The following APLP2 variants were observed in gnomAD, a reference collection of about 807,000 sequenced individuals.
The protein encoded by APLP2 is CDEI box-binding protein.
In APLP2, 53 loss-of-function variants were observed where a neutral mutation model predicts 89.9. That is an observed-to-expected ratio of 0.59 (90% CI 0.47 to 0.74). The LOEUF is 0.74. Among genes scored for constraint, APLP2 ranks in the 30% least tolerant of loss-of-function variants. The pLI is 0.00. For missense variants in APLP2, 973 were observed against 975.9 expected (o/e 1.00, Z 0.04); for synonymous variants, 372 against 348.6 (o/e 1.07, Z -0.75).
In APLP2 at chr11:130,109,309, G is replaced by T. The variant is rs148917064; in HGVS notation, c.106-120G>T. 3.2e-3 allele frequency: 2,759 copies of T among 861,374 alleles called. 5 individuals are homozygous for T. Among genetic ancestry groups the T allele is most frequent in the Non-Finnish European group, 4.3e-3 (2,491 of 585,466 alleles). 53.4% of individuals were successfully genotyped at this position (861,374 alleles called of 1,614,324 possible). ...CCTGGGAAAAGGATTTGTTTGTGAAGATACAAATAGTAAATAATTAAGGTT... is the reference window on the plus strand; with the variant it reads ...CCTGGGAAAAGGATTTGTTTGTGAATATACAAATAGTAAATAATTAAGGTT... On this transcript the variant is annotated intron_variant, in intron 1 of 16. Coordinates refer to ENST00000338167, the MANE Select transcript of APLP2 (RefSeq NM_001142276.2).
intron 6 of APLP2, 70 bp downstream of exon 6, chr11:130,122,583 C>T (rs1949948960): frequency 6.3e-7 from 1 of 1,593,522 alleles, no homozygotes; most frequent in African/African-American, 1.3e-5. Flanking sequence ...TGCATTGCGT[C>T]TGTCACAGGT....
At chr11:130,082,290 T>C (rs528317900) in intron 1 of APLP2, among the ~76,000 whole-genome samples, 1 of 152,230 alleles carries the variant, frequency 6.6e-6, no homozygotes, top group African/African-American at 2.4e-5. Flanking sequence ...TTCAAGCGAT[T>C]CTCCTGCCTC....
chr11:130,101,465 C>G (rs916918517), intron 1 of APLP2: 2 of 147,230 alleles, frequency 1.4e-5, no homozygotes, highest in Non-Finnish European at 2.9e-5. Context: ...AGATTATAGG[C>G]GTGAGCCATC....
At chr11:130,071,130 A>G (rs891922831) in intron 1 of APLP2, among the ~76,000 whole-genome samples, 4 of 152,210 alleles carry the variant, frequency 2.6e-5, no homozygotes, top group Non-Finnish European at 4.4e-5. Context: ...AAAAATTACA[A>G]CTGGTTTCTG....
chr11:130,097,187 A>ATAT (rs1263547111), intron 1 of APLP2, among the ~76,000 whole-genome samples: 1 of 152,212 alleles, frequency 6.6e-6, no homozygotes, highest in Non-Finnish European at 1.5e-5. Context: ...TAGAAGTTAA[A>ATAT]TTGATTTGTT....
intron 3 of APLP2, among the ~76,000 whole-genome samples, chr11:130,113,276 C>T (rs1300168490): frequency 6.6e-6 from 1 of 152,112 alleles, no homozygotes; most frequent in Non-Finnish European, 1.5e-5. Context: ...TATTTTATTG[C>T]TTTATTTCCC....
intron 3 of APLP2, among the ~76,000 whole-genome samples, chr11:130,115,700 G>C (rs1171755667): frequency 6.6e-6 from 1 of 152,152 alleles, no homozygotes; most frequent in Non-Finnish European, 1.5e-5. Flanking sequence ...ACTAAAGTGA[G>C]AGCAAACCAT....
chr11:130,082,700 G>A (rs183280342), intron 1 of APLP2: 24 of 203,590 alleles, frequency 1.2e-4, no homozygotes, highest in Admixed American at 3.8e-4. Context: ...CTGGGCACAC[G>A]CCACTGCAGG....
At chr11:130,101,131 G>T (rs1946859421) in intron 1 of APLP2, among the ~76,000 whole-genome samples, 2 of 141,688 alleles carry the variant, frequency 1.4e-5, no homozygotes, top group Non-Finnish European at 3.0e-5. Flanking sequence ...TTTAATATGT[G>T]TACAATGGGG....
intron 1 of APLP2, among the ~76,000 whole-genome samples, chr11:130,090,465 C>CT (rs1353456926): frequency 6.6e-6 from 1 of 150,948 alleles, no homozygotes; most frequent in Non-Finnish European, 1.5e-5. Context: ...GGTGATGACT[C>CT]TTAACGAGCA....
At chr11:130,119,500 C>A (rs1355212039) in intron 3 of APLP2, among the ~76,000 whole-genome samples, 2 of 152,238 alleles carry the variant, frequency 1.3e-5, no homozygotes, top group Admixed American at 1.3e-4. Flanking sequence ...TAACCACCAT[C>A]AGTTCATGAG....
chr11:130,110,867 C>T lies in APLP2; in HGVS notation c.403+206C>T, dbSNP rs530226475. Among the ~76,000 whole-genome samples, 4 of 152,188 alleles carry T rather than the reference C, an allele frequency of 2.6e-5. No homozygotes were observed. In the South Asian group the frequency reaches 8.3e-4, roughly 32 times the overall value. ...TCAGTGATGGCTAACTCTGCCTTCC[C>T]ATTGTAGACATCCTTCCTCAGGACT... On this transcript the variant is annotated intron_variant, in intron 3 of 16. Coordinates refer to ENST00000338167, the MANE Select transcript of APLP2 (RefSeq NM_001142276.2).
At chr11:130,104,808 A>C (rs1947435673) in intron 1 of APLP2, among the ~76,000 whole-genome samples, 1 of 152,140 alleles carries the variant, frequency 6.6e-6, no homozygotes, top group Non-Finnish European at 1.5e-5. Flanking sequence ...AAAGGTGCTA[A>C]TTGTTTGTTG....
chr11:130,137,438 C>T (rs1420477260), intron 13 of APLP2: 1 of 779,198 alleles, frequency 1.3e-6, no homozygotes, highest in African/African-American at 1.7e-5. Flanking sequence ...TCAGAGCAGC[C>T]CCACCTCCAT....
chr11:130,104,621 C>G (rs1192708377), intron 1 of APLP2, among the ~76,000 whole-genome samples: 4 of 152,140 alleles, frequency 2.6e-5, no homozygotes, highest in Non-Finnish European at 4.4e-5. Flanking sequence ...AGAGTATTAC[C>G]TATGAATAGG....
intron 1 of APLP2, among the ~76,000 whole-genome samples, chr11:130,081,850 C>CTT (rs1421503987): frequency 6.6e-6 from 1 of 152,000 alleles, no homozygotes; most frequent in African/African-American, 2.4e-5. Context: ...CTGTGGATAT[C>CTT]TTTTAAAAAA....
chr11:130,126,124 T>A (rs999492899), intron 7 of APLP2, among the ~76,000 whole-genome samples: 2 of 152,210 alleles, frequency 1.3e-5, no homozygotes, highest in African/African-American at 4.8e-5. Context: ...CCTTCACTGA[T>A]ACTGAAAACT....
chr11:130,143,358 G>A lies in APLP2; in HGVS notation c.2166G>A (p.Met722Ile). The A allele has an allele frequency of 1.2e-5, 19 of 1,613,998 alleles. No homozygotes were observed. Among genetic ancestry groups the A allele is most frequent in the Non-Finnish European group, 1.5e-5 (18 of 1,180,002 alleles). Residue 722 changes from methionine (M) to isoleucine (I), a missense_variant, in exon 17 of 17, where the codon ATG (methionine) becomes ATA (isoleucine). By Grantham distance (10) the Met-to-Ile change is conservative. Transcript: ENST00000338167. ...TTTTGTTCTTCCAGGTTGATCCAAT[G>A]CTCACCCCAGAAGAGCGTCACCTGA... ...ISHGIVEVDP[M>I]LTPEERHLNK...
intron 1 of APLP2, among the ~76,000 whole-genome samples, chr11:130,108,303 C>A (rs1948073442): frequency 6.6e-6 from 1 of 152,220 alleles, no homozygotes; most frequent in African/African-American, 2.4e-5. Flanking sequence ...TTTTTACAGT[C>A]TACCCATCTG....
Sources: gnomAD v4.1 joint callset for allele counts (sites outside exome capture counted in the v4.1 genomes callset) on GRCh38, gnomAD v4.1.1 for gene constraint, MANE v1.5 for transcripts, NCBI Gene and HGNC (gene_info 2026-07-23, HGNC 2026-07-21) for gene names.